Variants in MBD5 observed in about 807,000 individuals in gnomAD.
MBD5 encodes methyl-CpG binding domain protein 5.
Under a neutral mutation model 117.3 loss-of-function variants are expected in MBD5, and 13 were observed. The observed-to-expected ratio is 0.11, with a 90% CI of 0.07 to 0.18. The LOEUF (loss-of-function observed/expected upper bound fraction) is 0.18, where lower values mean the gene tolerates loss of function less well. Ranked by LOEUF, MBD5 falls within the 10% of genes least tolerant of loss-of-function variation. The pLI is 1.00. For synonymous variants in MBD5, 727 were observed against 766.4 expected, an observed-to-expected ratio of 0.95 and a Z score of 0.85; for missense variants, 1,879 against 2,093.8, an observed-to-expected ratio of 0.90 and a Z score of 2.00.
intron 1 of MBD5, among the ~76,000 whole-genome samples, chr2:148,045,621 T>C (rs1248756615): frequency 6.6e-6 from 1 of 152,200 alleles, no homozygotes; most frequent in Non-Finnish European, 1.5e-5. Flanking sequence ...TTATACAGAA[T>C]GTGGCAGAAC....
chr2:148,465,423 G>A (rs1182493289), intron 7 of MBD5, among the ~76,000 whole-genome samples: 2 of 152,112 alleles, frequency 1.3e-5, no homozygotes, highest in African/African-American at 2.4e-5. Flanking sequence ...ATAATCTAAT[G>A]TTTGAATATT....
chr2:148,103,711 A>G (rs1339235923), intron 1 of MBD5, among the ~76,000 whole-genome samples: 1 of 152,196 alleles, frequency 6.6e-6, no homozygotes. Flanking sequence ...TAGAAAACTC[A>G]AATAAGATGG....
At chr2:148,101,381 G>A (rs992880096) in intron 1 of MBD5, among the ~76,000 whole-genome samples, 2 of 152,092 alleles carry the variant, frequency 1.3e-5, no homozygotes, top group African/African-American at 4.8e-5. Flanking sequence ...AGGATTGCTT[G>A]AGCCCAGGAG....
chr2:148,312,481 C>T (rs1358504263), intron 3 of MBD5, among the ~76,000 whole-genome samples: 1 of 152,074 alleles, frequency 6.6e-6, no homozygotes, highest in Non-Finnish European at 1.5e-5. Flanking sequence ...AGTTGTTGTG[C>T]TGTGTTTTTC....
At chr2:148,481,285 T>C (rs1400825095) in intron 8 of MBD5, among the ~76,000 whole-genome samples, 1 of 152,004 alleles carries the variant, frequency 6.6e-6, no homozygotes, top group Admixed American at 6.6e-5. Context: ...ACGAAGTCTA[T>C]TTATCAGAAA....
intron 3 of MBD5, among the ~76,000 whole-genome samples, chr2:148,294,507 T>TTTTTTTTGTTTTTTTTTTTTTGTTTTG (rs1218239671): frequency 3.2e-5 from 4 of 124,210 alleles, no homozygotes; most frequent in Non-Finnish European, 4.9e-5. Flanking sequence ...TACAGTTTTT[T>TTTTTTTTGTTTTTTTTTTTTTGTTTTG]TTTTTTTTTT....
intron 3 of MBD5, among the ~76,000 whole-genome samples, chr2:148,279,630 A>T (rs190574440): frequency 1.3e-5 from 2 of 152,326 alleles, no homozygotes; most frequent in East Asian, 1.9e-4. Flanking sequence ...TTTGCTTAGA[A>T]TATCATTTCC....
intron 3 of MBD5, among the ~76,000 whole-genome samples, chr2:148,276,118 C>A (rs1701106352): frequency 6.6e-6 from 1 of 152,026 alleles, no homozygotes. Context: ...TTGAGACTAG[C>A]CTAGACACCA....
intron 1 of MBD5, among the ~76,000 whole-genome samples, chr2:148,131,736 G>A (rs955520981): frequency 7.9e-5 from 12 of 152,002 alleles, no homozygotes; most frequent in Non-Finnish European, 1.8e-4. Flanking sequence ...TAAGAAATAA[G>A]GAAATTTTTG....
chr2:148,463,887 C>T lies in MBD5; in HGVS notation c.365C>T (p.Ser122Phe), dbSNP rs763191402. Residue 122 changes from serine to phenylalanine, a missense_variant, in exon 7 of 14, where the codon TCT (serine) becomes TTT (phenylalanine). Coordinates refer to ENST00000642680, the MANE Select transcript of MBD5 (RefSeq NM_001378120.1). Reference sequence around the variant, plus strand: ...AAAAGCATGGAAGCCCCACATCCTTCTCTGGTGCTCACCAGTCCCGGAGGA... The same window carrying T: ...AAAAGCATGGAAGCCCCACATCCTTTTCTGGTGCTCACCAGTCCCGGAGGA... ...LHKSMEAPHP[S>F]LVLTSPGGGT... 3.1e-6 allele frequency: 5 copies of T among 1,613,538 alleles called. No individual in the cohort carries two copies. In the East Asian group the frequency reaches 1.1e-4, roughly 36 times the overall value.
chr2:148,283,036 T>C (rs1415619373), intron 3 of MBD5, among the ~76,000 whole-genome samples: 1 of 152,078 alleles, frequency 6.6e-6, no homozygotes, highest in African/African-American at 2.4e-5. Flanking sequence ...TAGGTTCAAG[T>C]AGAGCCTATT....
chr2:148,107,380 G>C (rs7574180), intron 1 of MBD5, among the ~76,000 whole-genome samples: 50,750 of 151,628 alleles, frequency 0.33, 9,010 homozygotes, highest in East Asian at 0.46. Context: ...TCCCAGTTGG[G>C]ATTCATTGGG....
At chr2:148,136,082 G>T (rs1331056366) in intron 1 of MBD5, among the ~76,000 whole-genome samples, 1 of 152,132 alleles carries the variant, frequency 6.6e-6, no homozygotes, top group Admixed American at 6.5e-5. Flanking sequence ...TTCATAGTGG[G>T]GGGTGGTGGG....
chr2:148,049,273 C>T (rs1181268417), intron 1 of MBD5, among the ~76,000 whole-genome samples: 1 of 152,140 alleles, frequency 6.6e-6, no homozygotes, highest in East Asian at 1.9e-4. Flanking sequence ...GGATTTCGTG[C>T]ACCATCCATT....
intron 3 of MBD5, among the ~76,000 whole-genome samples, chr2:148,234,041 G>T (rs1003449518): frequency 3.9e-4 from 59 of 152,132 alleles, no homozygotes; most frequent in African/African-American, 1.4e-3. Context: ...ATTTCAAATT[G>T]ATTACATTAC....
chr2:148,266,870 A>C (rs146744668), intron 3 of MBD5, among the ~76,000 whole-genome samples: 1 of 152,170 alleles, frequency 6.6e-6, no homozygotes, highest in Non-Finnish European at 1.5e-5. Flanking sequence ...AATTTCTTCC[A>C]CATTAGTCTG....
intron 3 of MBD5, among the ~76,000 whole-genome samples, chr2:148,262,875 G>T (rs181290588): frequency 9.4e-4 from 143 of 152,286 alleles, no homozygotes; most frequent in African/African-American, 3.4e-3. Flanking sequence ...CCTTAGGTGG[G>T]ACTCATCTGG....
At chr2:148,216,870 G>T (rs992696849) in intron 2 of MBD5, among the ~76,000 whole-genome samples, 1 of 152,086 alleles carries the variant, frequency 6.6e-6, no homozygotes, top group Non-Finnish European at 1.5e-5. Context: ...CTGCACACTG[G>T]CACACTTGAC....
intron 3 of MBD5, chr2:148,296,498 C>T (rs12691784): frequency 0.57 from 90,016 of 156,642 alleles, 26,249 homozygotes; most frequent in East Asian, 0.83. Context: ...GCATGAAGAA[C>T]TGAATTCCCA....
Sources: allele counts gnomAD v4.1 joint callset (sites outside exome capture counted in the v4.1 genomes callset), GRCh38; gene constraint gnomAD v4.1.1; transcripts MANE v1.5; gene names NCBI Gene and HGNC (gene_info 2026-07-23, HGNC 2026-07-21).